The following FLCN variants were observed in gnomAD, a reference collection of about 807,000 sequenced individuals.
FLCN encodes the protein folliculin, also known as BHD skin lesion fibrofolliculoma protein.
Under a neutral mutation model 62.5 loss-of-function variants are expected in FLCN, and 22 were observed. The ratio of observed to expected loss-of-function variants is 0.35; its 90% CI spans 0.25 to 0.50. The LOEUF (loss-of-function observed/expected upper bound fraction) is 0.50, where lower values mean the gene tolerates loss of function less well. Ranked by LOEUF, FLCN falls within the 20% of genes least tolerant of loss-of-function variation. The pLI, the probability that FLCN is intolerant of heterozygous loss-of-function variation, is 0.97. For synonymous variants in FLCN, 319 were observed against 310.0 expected (o/e 1.03, Z -0.30); for missense variants, 657 against 778.0 (o/e 0.84, Z 1.85).
rs1225956734 is a variant in FLCN at position 17,213,187 on chromosome 17, G to A, written c.*468C>T. On this transcript the variant is annotated 3_prime_UTR_variant, in exon 14 of 14. Transcript: ENST00000285071. ...AGTGACCAAGAGCTGGCAATGTACT[G>A]AATATTCACAACTGCAGCAAAAGGT... is the stretch of plus-strand genomic sequence containing the variant. 5 of 368,660 alleles carry A rather than the reference G, an allele frequency of 1.4e-5. No individual in the cohort carries two copies. Among genetic ancestry groups the A allele is most frequent in the African/African-American group, 4.0e-5 (2 of 49,816 alleles). The allele number at this position is 368,660 out of a possible 1,614,324, so 22.8% of individuals were successfully genotyped here.
intron 3 of FLCN, among the ~76,000 whole-genome samples, chr17:17,230,339 T>A (rs1044028560): frequency 5.9e-5 from 9 of 152,082 alleles, no homozygotes; most frequent in African/African-American, 9.7e-5. Flanking sequence ...GAGACCAGCC[T>A]GGCCGACGCA....
At chr17:17,233,923 A>G (rs1165604170) in intron 1 of FLCN, among the ~76,000 whole-genome samples, 4 of 151,540 alleles carry the variant, frequency 2.6e-5, no homozygotes, top group Admixed American at 6.6e-5. Flanking sequence ...GAGTTTCACC[A>G]TGTTGGCCAG....
rs1407039814 is a variant in FLCN at position 17,219,229 on chromosome 17, GAC to G, written c.872-22_872-21del. 1 of 1,612,000 alleles carries G rather than the reference GAC, an allele frequency of 6.2e-7. No homozygotes were observed. Among genetic ancestry groups the G allele is most frequent in the Middle Eastern group, 1.7e-4 (1 of 6,058 alleles). ...CTAAATCTGCAAGACAGATGACAAGGACAGTTACAGATACAAACAGTCTCATC... is the reference window on the plus strand; with the variant it reads ...CTAAATCTGCAAGACAGATGACAAGGAGTTACAGATACAAACAGTCTCATC... On this transcript the variant is annotated intron_variant, in intron 8 of 13. Coordinates refer to ENST00000285071, the MANE Select transcript of FLCN (RefSeq NM_144997.7).
intron 1 of FLCN, chr17:17,235,842 T>A (rs773209586): frequency 6.6e-6 from 1 of 152,184 alleles, no homozygotes; most frequent in African/African-American, 2.4e-5. Context: ...AGAACCCACA[T>A]AGGAAGCCGA....
At chr17:17,236,634 G>A (rs2047589084) in intron 1 of FLCN, among the ~76,000 whole-genome samples, 1 of 152,124 alleles carries the variant, frequency 6.6e-6, no homozygotes, top group Non-Finnish European at 1.5e-5. Context: ...GCCAAACTGG[G>A]AGAAGAGGAT....
chr17:17,212,265 C>G lies in FLCN; in HGVS notation c.*1390G>C, dbSNP rs570755484. 5 of 171,654 alleles carry G rather than the reference C, an allele frequency of 2.9e-5. No homozygotes were observed. Among genetic ancestry groups the G allele is most frequent in the Admixed American group, 2.6e-4 (4 of 15,678 alleles). 10.6% of individuals were successfully genotyped at this position (171,654 alleles called of 1,614,324 possible). ...CAATGTTGTTGCATTATACAGATAC[C>G]TAGTTATATAAACTTGGTCTTCATG... is the stretch of plus-strand genomic sequence containing the variant. On this transcript the variant is annotated 3_prime_UTR_variant, in exon 14 of 14. Coordinates refer to ENST00000285071, the MANE Select transcript of FLCN (RefSeq NM_144997.7).
intron 6 of FLCN, chr17:17,223,146 T>A (rs929801251): frequency 1.1e-5 from 3 of 281,916 alleles, no homozygotes; most frequent in Non-Finnish European, 2.1e-5. Flanking sequence ...CAGGCTGGAG[T>A]GCAATGGTGT....
At chr17:17,214,056 G>A (rs1165704150) in intron 13 of FLCN, among the ~76,000 whole-genome samples, 200 bp from the exon 14 acceptor site, 1 of 152,132 alleles carries the variant, frequency 6.6e-6, no homozygotes, top group Non-Finnish European at 1.5e-5. Context: ...GGAAGCTGTC[G>A]GGGCTGGGCT....
rs757111995 is a variant in FLCN, at chr17:17,219,174, C to CA, written c.906dup (p.Glu303Ter). The CA allele has an allele frequency of 6.2e-7, 1 of 1,614,224 alleles. No individual in the cohort carries two copies. Among genetic ancestry groups the CA allele is most frequent in the South Asian group, 1.1e-5 (1 of 91,088 alleles). ...GGGGCTTTCTCCTCCTCTTCAGCCTCAGAGTTGTCCCAGCTTTCTGATTCC... is the reference window on the plus strand; with the variant it reads ...GGGGCTTTCTCCTCCTCTTCAGCCTCAAGAGTTGTCCCAGCTTTCTGATTCC... On this transcript the variant is annotated frameshift_variant, in exon 9 of 14. Transcript: ENST00000285071. LOFTEE classifies it high-confidence loss of function.
Position 17,213,378 on chromosome 17 carries a change from C to G in FLCN, c.*277G>C. 1 of 555,748 alleles carries G rather than the reference C, an allele frequency of 1.8e-6. No homozygotes were observed. The highest frequency in any genetic ancestry group is 3.2e-6 in the Non-Finnish European group (1 of 308,082). 34.4% of individuals were successfully genotyped at this position (555,748 alleles called of 1,614,324 possible). ...CAAGGGGCCTGGGAGGCAAGCTGTC[C>G]TCCTAGTCGTCTCTCCAAGGAGTTT... On this transcript the variant is annotated 3_prime_UTR_variant, in exon 14 of 14. Coordinates refer to ENST00000285071, the MANE Select transcript of FLCN (RefSeq NM_144997.7).
At chr17:17,233,015 G>C (rs577400931) in intron 1 of FLCN, 114 bp from the exon 2 acceptor site, 14 of 152,228 alleles carry the variant, frequency 9.2e-5, no homozygotes, top group Non-Finnish European at 2.1e-4. Context: ...GTCTGATGAG[G>C]ATGTAGACAC....
At chr17:17,224,992 C>G (rs1434637356) in intron 5 of FLCN, 1 of 152,504 alleles carries the variant, frequency 6.6e-6, no homozygotes, top group Non-Finnish European at 1.5e-5. Context: ...AGGCACACAG[C>G]CACACTGAAT....
At chr17:17,213,949 C>T (rs1472909108) in intron 13 of FLCN, 93 bp from the exon 14 acceptor site, 29 of 1,360,092 alleles carry the variant, frequency 2.1e-5, no homozygotes, top group Admixed American at 2.0e-4. Flanking sequence ...GGCTTTGGCA[C>T]CAGCAGGAGC....
Position 17,221,520 on chromosome 17 carries a change from C to G in FLCN, c.871+17G>C. 1 of 1,613,770 alleles carries G rather than the reference C, an allele frequency of 6.2e-7. No homozygotes were observed. Among genetic ancestry groups the G allele is most frequent in the Non-Finnish European group, 8.5e-7 (1 of 1,180,048 alleles). On this transcript the variant is annotated intron_variant, in intron 8 of 13. Coordinates refer to ENST00000285071, the MANE Select transcript of FLCN (RefSeq NM_144997.7). ...GCCATCCGGGCCAAGGCCCCGGCAA[C>G]AGCACCCCTGCCTCACCAGCGAGCT...
intron 4 of FLCN, 27 bp downstream of exon 4, chr17:17,227,862 C>T (rs759543669): frequency 8.7e-6 from 14 of 1,613,912 alleles, no homozygotes; most frequent in East Asian, 2.2e-5. Flanking sequence ...GCAGGGATCA[C>T]AAAACCAAGA....
Position 17,232,905 on chromosome 17 carries a change from G to A in FLCN, c.-227-4C>T, listed in dbSNP as rs1416275313. Reference sequence around the variant, plus strand: ...ACCCTTGAAGACCTGGCGTTTTCTAGGTAAGAGAAAAAAAAAATTAGAGCT... The same window carrying A: ...ACCCTTGAAGACCTGGCGTTTTCTAAGTAAGAGAAAAAAAAAATTAGAGCT... On this transcript the variant is annotated splice_polypyrimidine_tract_variant and splice_region_variant and intron_variant, in intron 1 of 13. Transcript: ENST00000285071. 5 of 152,064 alleles carry A rather than the reference G, an allele frequency of 3.3e-5. No homozygotes were observed. Among genetic ancestry groups the A allele is most frequent in the Non-Finnish European group, 7.4e-5 (5 of 68,008 alleles). 9.4% of individuals were successfully genotyped at this position (152,064 alleles called of 1,614,324 possible). A position where few individuals can be genotyped will look rare whatever the true frequency, so the allele number is the denominator to read the frequency against.
intron 1 of FLCN, 83 bp from the exon 2 acceptor site, chr17:17,232,984 G>A (rs2047466928): frequency 6.6e-6 from 1 of 152,212 alleles, no homozygotes; most frequent in African/African-American, 2.4e-5. Context: ...GCAGCTTACA[G>A]CCAGTCTCAA....
rs747029882 is a variant in FLCN at position 17,215,059 on chromosome 17, C to T, written c.1464G>A (p.Ala488=). 9.2e-5 allele frequency: 148 copies of T among 1,613,992 alleles called. No individual in the cohort carries two copies. In the East Asian group the frequency reaches 1.9e-3, roughly 21 times the overall value. Residue 488 remains alanine (A), a synonymous_variant, in exon 13 of 14, where the codon GCG becomes GCA. Transcript: ENST00000285071. ...VGPTILNKIE[A]ALTNQNLSVD... ...CAGACAGGTTCTGGTTGGTCAGAGC[C>T]GCTTCAATCTTATTCAGGATGGTGG...
At chr17:17,223,789 T>A (rs2047164361) in intron 6 of FLCN, 133 bp downstream of exon 6, 1 of 918,310 alleles carries the variant, frequency 1.1e-6, no homozygotes, top group East Asian at 2.6e-5. Flanking sequence ...GCCAAGAGAC[T>A]ACAATTCACA....
Sources: allele counts gnomAD v4.1 joint callset (sites outside exome capture counted in the v4.1 genomes callset), GRCh38; gene constraint gnomAD v4.1.1; transcripts MANE v1.5; gene names NCBI Gene and HGNC (gene_info 2026-07-23, HGNC 2026-07-21).